Variants in IL31RA observed in about 807,000 individuals in gnomAD.
The protein encoded by IL31RA is interleukin-31 receptor subunit alpha.
A neutral mutation model predicts 83.7 loss-of-function variants in IL31RA; 66 were observed. The ratio of observed to expected loss-of-function variants is 0.79; its 90% confidence interval spans 0.65 to 0.97. The LOEUF is 0.97. IL31RA is among the 50% of genes least tolerant of loss of function. IL31RA has a pLI of 0.00. For synonymous variants in IL31RA, 325 were observed against 329.0 expected, an observed-to-expected ratio of 0.99 and a Z score of 0.13; for missense variants, 798 against 919.4, an observed-to-expected ratio of 0.87 and a Z score of 1.71.
Position 55,919,205 on chromosome 5 carries a change from C to T in IL31RA, c.*2085C>T, listed in dbSNP as rs144561526. On this transcript the variant is annotated 3_prime_UTR_variant, in exon 15 of 15. Transcript: ENST00000652347. ...GGTACCCCCACAGCTGTTCTTTCAA[C>T]CCTCCTGCCCACCTGTAGTTGGGGG... Among the ~76,000 whole-genome samples the T allele has an allele frequency of 2.0e-5, 3 of 152,310 alleles. No homozygotes were observed. The East Asian group carries it at 5.8e-4, about 29-fold the overall frequency.
At chr5:55,905,814 T>G (rs944378578) in intron 8 of IL31RA, among the ~76,000 whole-genome samples, 2 of 152,216 alleles carry the variant, frequency 1.3e-5, no homozygotes, top group African/African-American at 4.8e-5. Flanking sequence ...CAGAGACACC[T>G]GTGGAAGGTA....
At chr5:55,896,473 C>A in intron 7 of IL31RA, 44 bp downstream of exon 7, 1 of 1,235,630 alleles carries the variant, frequency 8.1e-7, no homozygotes, top group Non-Finnish European at 1.2e-6. Context: ...TCTTCCCCTT[C>A]CCTCCTTTCC....
At chr5:55,913,169 C>T (rs1186614419) in intron 12 of IL31RA, among the ~76,000 whole-genome samples, 1 of 152,000 alleles carries the variant, frequency 6.6e-6, no homozygotes, top group African/African-American at 2.4e-5. Context: ...GCGCTCACTG[C>T]AACCTCCGCC....
In IL31RA at chr5:55,917,832, C is replaced by T. The variant is rs772824832; in HGVS notation, c.*712C>T. On this transcript the variant is annotated 3_prime_UTR_variant, in exon 15 of 15. Transcript: ENST00000652347. ...GCCGGGCGCAGCTCTGTCCAGTCTC[C>T]AGGGGGCCACTTCCCAGCTGCTGCT... Among the ~76,000 whole-genome samples the T allele has an allele frequency of 1.3e-5, 2 of 149,412 alleles. No individual in the cohort carries two copies. Among genetic ancestry groups the T allele is most frequent in the Admixed American group, 6.8e-5 (1 of 14,680 alleles).
rs7737857 is a variant in IL31RA at position 55,922,115 on chromosome 5, T to C, written c.*4995T>C. The stretch of plus-strand genomic sequence containing the variant: ...ACTAAGGATAACAGCAGTCCTCATT[T>C]CCTTTGGACACTGGGGTCAGTGGGG... On this transcript the variant is annotated 3_prime_UTR_variant, in exon 15 of 15. Transcript: ENST00000652347. Among the ~76,000 whole-genome samples, 28,618 of 148,484 alleles carry C rather than the reference T, an allele frequency of 0.19. 5,090 individuals carry two copies. The highest frequency in any genetic ancestry group is 0.48 in the African/African-American group (18,635 of 39,116).
chr5:55,864,185 G>T (rs754204640), intron 2 of IL31RA, among the ~76,000 whole-genome samples: 1 of 152,128 alleles, frequency 6.6e-6, no homozygotes, highest in South Asian at 2.1e-4. Flanking sequence ...CGGCGAGTTA[G>T]TGTGACGAGT....
At chr5:55,915,709 G>C (rs1053294043) in intron 14 of IL31RA, among the ~76,000 whole-genome samples, 1 of 152,058 alleles carries the variant, frequency 6.6e-6, no homozygotes, top group Non-Finnish European at 1.5e-5. Context: ...TATCAGTCCG[G>C]TATACTGGAC....
At chr5:55,911,103 A>T (rs533286695) in intron 12 of IL31RA, among the ~76,000 whole-genome samples, 85 of 152,342 alleles carry the variant, frequency 5.6e-4, no homozygotes, top group Non-Finnish European at 1.0e-3. Flanking sequence ...TAATTTATAA[A>T]GAAAAAGAGG....
At chr5:55,908,459 G>A (rs199722224) in intron 11 of IL31RA, 48 bp downstream of exon 11, 21 of 1,614,202 alleles carry the variant, frequency 1.3e-5, no homozygotes. Flanking sequence ...GCCCCAGATA[G>A]ATGCTATGGA....
At chr5:55,881,716 ATTT>A (rs34217814) in intron 4 of IL31RA, among the ~76,000 whole-genome samples, 17 of 59,638 alleles carry the variant, frequency 2.9e-4, no homozygotes, top group Admixed American at 8.8e-4. Context: ...AGTTCCTGAG[ATTT>A]TTTTTTTTTT....
rs1749185046 is a variant in IL31RA, at chr5:55,906,778, A to G, written c.1252+490A>G. On this transcript the variant is annotated intron_variant, in intron 9 of 14. Transcript: ENST00000652347. ...TTTTGTTTAAATTTTTATTTTCTAGAGACAGGGTCTTGCTTGATTGCCAAG... is the reference window on the plus strand; with the variant it reads ...TTTTGTTTAAATTTTTATTTTCTAGGGACAGGGTCTTGCTTGATTGCCAAG... Among the ~76,000 whole-genome samples the G allele has an allele frequency of 3.3e-5, 5 of 152,288 alleles. No homozygotes were observed. In the South Asian group the frequency reaches 1.0e-3, roughly 32 times the overall value.
At chr5:55,855,778 G>A (rs1745323380) in intron 1 of IL31RA, among the ~76,000 whole-genome samples, 1 of 152,156 alleles carries the variant, frequency 6.6e-6, no homozygotes, top group Non-Finnish European at 1.5e-5. Flanking sequence ...CTTTCTTCTC[G>A]CTGTGTTCCC....
intron 4 of IL31RA, among the ~76,000 whole-genome samples, chr5:55,874,854 C>T (rs564943551): frequency 7.2e-5 from 11 of 152,112 alleles, no homozygotes; most frequent in Middle Eastern, 3.4e-3. Flanking sequence ...GATCTGGATA[C>T]GTTTTATTTT....
At chr5:55,862,679 T>C (rs907621057) in intron 2 of IL31RA, among the ~76,000 whole-genome samples, 2 of 152,216 alleles carry the variant, frequency 1.3e-5, no homozygotes, top group African/African-American at 4.8e-5. Flanking sequence ...AGTGCTGGGA[T>C]TACAGGTGTG....
At chr5:55,881,537 C>T (rs1747223636) in intron 4 of IL31RA, among the ~76,000 whole-genome samples, 1 of 151,762 alleles carries the variant, frequency 6.6e-6, no homozygotes, top group African/African-American at 2.4e-5. Context: ...ACTTGCACGG[C>T]GGCCTGCTAG....
At chr5:55,867,984 C>T (rs1269089412) in intron 2 of IL31RA, among the ~76,000 whole-genome samples, 9 of 151,946 alleles carry the variant, frequency 5.9e-5, no homozygotes, top group Non-Finnish European at 1.2e-4. Context: ...ACAACCAAAC[C>T]ATATAAATAT....
chr5:55,913,729 C>T (rs1368166907), intron 13 of IL31RA, among the ~76,000 whole-genome samples, 159 bp downstream of exon 13: 1 of 152,236 alleles, frequency 6.6e-6, no homozygotes, highest in Non-Finnish European at 1.5e-5. Flanking sequence ...AGGCCACGCT[C>T]AGTGGCTCAC....
chr5:55,847,244 AAAATAAATAAATAAAT>A (rs371149253), upstream of IL31RA, among the ~76,000 whole-genome samples: 287 of 61,156 alleles, frequency 4.7e-3, no homozygotes, highest in Non-Finnish European at 7.8e-3. Flanking sequence ...AAAAAAAATA[AAAATAAATAAATAAAT>A]AAATAAATAA....
chr5:55,912,532 C>T (rs1236557858), intron 12 of IL31RA, among the ~76,000 whole-genome samples: 2 of 152,224 alleles, frequency 1.3e-5, no homozygotes, highest in Admixed American at 6.5e-5. Context: ...CGCAGTGGCT[C>T]ATGCCTGTAA....
Sources: allele counts gnomAD v4.1 joint callset (sites outside exome capture counted in the v4.1 genomes callset), GRCh38; gene constraint gnomAD v4.1.1; transcripts MANE v1.5; gene names NCBI Gene and HGNC (gene_info 2026-07-23, HGNC 2026-07-21).